Variants in FNDC3A observed in about 807,000 individuals in gnomAD.
FNDC3A encodes the protein fibronectin type III domain containing 3A, also known as fibronectin type-III domain-containing protein 3A.
Under a neutral mutation model 148.9 loss-of-function variants are expected in FNDC3A, and 32 were observed. That is an observed-to-expected ratio of 0.21 (90% CI 0.16 to 0.29). The LOEUF (loss-of-function observed/expected upper bound fraction) is 0.29, where lower values mean the gene tolerates loss of function less well. FNDC3A is among the 10% of genes least tolerant of loss of function. FNDC3A has a pLI of 1.00. For synonymous variants in FNDC3A, 472 were observed against 473.6 expected (o/e 1.00, Z 0.04); for missense variants, 1,191 against 1,452.8 (o/e 0.82, Z 2.93).
intron 5 of FNDC3A, among the ~76,000 whole-genome samples, chr13:49,135,195 CT>C (rs1235462770): frequency 2.0e-5 from 3 of 151,972 alleles, no homozygotes; most frequent in Non-Finnish European, 4.4e-5. Context: ...TATTTGAATT[CT>C]TCACCCATTT....
chr13:49,173,799 C>G (rs542409336), intron 11 of FNDC3A, among the ~76,000 whole-genome samples: 1 of 152,274 alleles, frequency 6.6e-6, no homozygotes, highest in African/African-American at 2.4e-5. Flanking sequence ...TTATCTCTAG[C>G]AACACAATAA....
At chr13:49,073,857 C>T (rs1157808426) in intron 2 of FNDC3A, among the ~76,000 whole-genome samples, 1 of 140,956 alleles carries the variant, frequency 7.1e-6, no homozygotes, top group Non-Finnish European at 1.5e-5. Flanking sequence ...TATATACACA[C>T]ACACATACAT....
At chr13:49,077,359 T>C (rs1470942622) in intron 3 of FNDC3A, among the ~76,000 whole-genome samples, 1 of 152,220 alleles carries the variant, frequency 6.6e-6, no homozygotes, top group Non-Finnish European at 1.5e-5. Flanking sequence ...GTGAAAGAAC[T>C]CTAACACTTA....
intron 14 of FNDC3A, among the ~76,000 whole-genome samples, chr13:49,182,347 T>TA (rs1252111276): frequency 6.6e-6 from 1 of 152,116 alleles, no homozygotes; most frequent in Non-Finnish European, 1.5e-5. Context: ...TATTTAAAAT[T>TA]AAGAGTTATA....
At chr13:49,117,739 G>A (rs1400964844) in intron 4 of FNDC3A, among the ~76,000 whole-genome samples, 2 of 152,132 alleles carry the variant, frequency 1.3e-5, no homozygotes, top group African/African-American at 4.8e-5. Context: ...AAGTACACCC[G>A]AGGGTGTTGT....
chr13:49,073,206 G>A (rs2137772688), intron 2 of FNDC3A, among the ~76,000 whole-genome samples: 1 of 151,922 alleles, frequency 6.6e-6, no homozygotes, highest in East Asian at 1.9e-4. Context: ...AGAAAAGGCA[G>A]AAAACAAAAA....
chr13:49,097,750 G>A (rs957090008), intron 3 of FNDC3A, among the ~76,000 whole-genome samples: 3 of 151,906 alleles, frequency 2.0e-5, no homozygotes, highest in Non-Finnish European at 4.4e-5. Context: ...AATATATTTC[G>A]AAACCTTATA....
chr13:49,206,189 A>G (rs1360032036), intron 25 of FNDC3A, among the ~76,000 whole-genome samples: 3 of 152,234 alleles, frequency 2.0e-5, no homozygotes, highest in Non-Finnish European at 4.4e-5. Flanking sequence ...TTTAACAAGC[A>G]TTAGTTCATT....
At chr13:49,085,633 T>A (rs552653622) in intron 3 of FNDC3A, among the ~76,000 whole-genome samples, 1 of 152,194 alleles carries the variant, frequency 6.6e-6, no homozygotes, top group Non-Finnish European at 1.5e-5. Context: ...ACAGTAGGCA[T>A]GAGATATTAC....
chr13:49,158,228 C>T (rs939346671), intron 8 of FNDC3A, among the ~76,000 whole-genome samples: 1 of 152,184 alleles, frequency 6.6e-6, no homozygotes, highest in African/African-American at 2.4e-5. Flanking sequence ...TCGTGGTGCG[C>T]CGTTTTTTAA....
chr13:49,150,405 A>G (rs990685941), intron 8 of FNDC3A, among the ~76,000 whole-genome samples: 16 of 152,184 alleles, frequency 1.1e-4, no homozygotes, highest in Admixed American at 3.3e-4. Flanking sequence ...ATTTATTGCT[A>G]TAAACTTCCC....
At chr13:49,167,559 A>G (rs1290532064) in intron 9 of FNDC3A, among the ~76,000 whole-genome samples, 2 of 152,116 alleles carry the variant, frequency 1.3e-5, no homozygotes, top group Non-Finnish European at 2.9e-5. Flanking sequence ...TCCAAAAAGT[A>G]GCCAAGCATG....
At chr13:49,173,688 G>A (rs527792524) in intron 11 of FNDC3A, among the ~76,000 whole-genome samples, 12 of 152,220 alleles carry the variant, frequency 7.9e-5, no homozygotes, top group African/African-American at 1.4e-4. Flanking sequence ...AAACTCAGTC[G>A]AATCAACTAA....
At chr13:49,085,645 C>T (rs1420708687) in intron 3 of FNDC3A, among the ~76,000 whole-genome samples, 3 of 152,144 alleles carry the variant, frequency 2.0e-5, no homozygotes, top group Admixed American at 1.3e-4. Flanking sequence ...AGATATTACA[C>T]GTATACCATT....
At chr13:49,055,531 A>G (rs574379685) in intron 2 of FNDC3A, among the ~76,000 whole-genome samples, 34 of 152,232 alleles carry the variant, frequency 2.2e-4, no homozygotes, top group Non-Finnish European at 4.1e-4. Context: ...AACATTTATA[A>G]TCTTTATTCT....
chr13:49,059,614 C>G (rs947798705), intron 2 of FNDC3A, among the ~76,000 whole-genome samples: 4 of 152,132 alleles, frequency 2.6e-5, no homozygotes, highest in Non-Finnish European at 5.9e-5. Flanking sequence ...TGCCACCATG[C>G]CTGGCTAATT....
intron 2 of FNDC3A, chr13:49,045,965 A>G (rs1252067006): frequency 5.5e-6 from 1 of 181,966 alleles, no homozygotes; most frequent in Non-Finnish European, 1.1e-5. Flanking sequence ...TCAGTATTCA[A>G]TTAAGAAATT....
At position 49,197,988 on chromosome 13, in the gene FNDC3A, A is replaced by T; in HGVS notation, c.2497A>T (p.Ser833Cys). ...AGGCTCTGTTAATTTGTAGGCTCTG[A>T]GTGTTGTGGGTGCAGGCCCTTTCAG... ...TTYYCRVQAL[S>C]VVGAGPFSEV... The change falls in exon 22 of 26, where the codon AGT becomes TGT. Residue 833 changes from serine (S) to cysteine (C), a missense_variant. Around this residue, in one of 3 missense-constraint regions of FNDC3A, gnomAD observed 751 missense variants for 944.0 expected, o/e 0.80. Coordinates refer to ENST00000492622, the MANE Select transcript of FNDC3A (RefSeq NM_001079673.2). 6.2e-7 allele frequency: 1 copy of T among 1,611,564 alleles called. No individual in the cohort carries two copies.
intron 8 of FNDC3A, among the ~76,000 whole-genome samples, chr13:49,161,735 G>A (rs1884136237): frequency 6.6e-6 from 1 of 152,174 alleles, no homozygotes; most frequent in African/African-American, 2.4e-5. Context: ...TTTTGCAGTG[G>A]CTGGTACTGA....
Sources: allele counts gnomAD v4.1 joint callset (sites outside exome capture counted in the v4.1 genomes callset), GRCh38; gene constraint gnomAD v4.1.1; regional missense constraint gnomAD v4.1.1; transcripts MANE v1.5; gene names NCBI Gene and HGNC (gene_info 2026-07-23, HGNC 2026-07-21).